CAB39L: variants seen among roughly 807,000 people sequenced by gnomAD.
The protein encoded by CAB39L is calcium binding protein 39 like.
CAB39L carries 23 observed loss-of-function variants against 39.1 expected under a neutral mutation model. The observed-to-expected ratio is 0.59, with a 90% CI of 0.42 to 0.83. The LOEUF (loss-of-function observed/expected upper bound fraction) is 0.83. Among genes scored for constraint, CAB39L ranks in the 40% least tolerant of loss-of-function variants. The probability of loss-of-function intolerance (pLI) is 0.00; values close to 1 mark genes in which losing one functional copy is unlikely to be tolerated. For synonymous variants in CAB39L, 126 were observed against 137.2 expected (o/e 0.92, Z 0.57); for missense variants, 366 against 391.9 (o/e 0.93, Z 0.56).
At chr13:49,315,884 CAAA>C (rs60700916) in intron 10 of CAB39L, among the ~76,000 whole-genome samples, 3 of 120,318 alleles carry the variant, frequency 2.5e-5, no homozygotes, top group African/African-American at 3.4e-5. Context: ...GTCTCCATCT[CAAA>C]AAAAAAAAAA....
intron 3 of CAB39L, among the ~76,000 whole-genome samples, chr13:49,408,212 G>C (rs1956922644): frequency 6.6e-6 from 1 of 152,170 alleles, no homozygotes; most frequent in Admixed American, 6.5e-5. Flanking sequence ...AATATGGATA[G>C]TAATTGAGAG....
chr13:49,326,415 C>T (rs1288774222), intron 10 of CAB39L, among the ~76,000 whole-genome samples: 2 of 152,198 alleles, frequency 1.3e-5, no homozygotes, highest in Non-Finnish European at 2.9e-5. Context: ...TCCATCGGGG[C>T]TTTCCCACCA....
intron 3 of CAB39L, among the ~76,000 whole-genome samples, chr13:49,403,503 T>A (rs1321082266): frequency 6.6e-6 from 1 of 151,796 alleles, no homozygotes; most frequent in African/African-American, 2.4e-5. Flanking sequence ...AGAAAATCGA[T>A]CATTAGAAAA....
intron 5 of CAB39L, among the ~76,000 whole-genome samples, chr13:49,367,710 A>G (rs1955808193): frequency 6.6e-6 from 1 of 152,182 alleles, no homozygotes; most frequent in Non-Finnish European, 1.5e-5. Context: ...TGAACCCAGG[A>G]GTTTGAGACC....
chr13:49,336,540 C>G lies in CAB39L; in HGVS notation c.690+3137G>C, dbSNP rs78464022. 5.1e-3 allele frequency among the ~76,000 whole-genome samples: 776 copies of G among 152,298 alleles called. 5 individuals carry two copies. Among genetic ancestry groups the G allele is most frequent in the African/African-American group, 0.018 (728 of 41,570 alleles). ...ATAAGTAGGAAATACAAACAGCTTT[C>G]TTCCTCCAAATTTGGTTCAATCACC... On this transcript the variant is annotated intron_variant, in intron 9 of 10. Coordinates refer to ENST00000409308, the MANE Select transcript of CAB39L (RefSeq NM_001079670.3).
chr13:49,319,136 C>T (rs569065330), intron 10 of CAB39L, among the ~76,000 whole-genome samples: 5 of 152,056 alleles, frequency 3.3e-5, no homozygotes, highest in South Asian at 2.1e-4. Context: ...CCCAGCTACT[C>T]GGGAGGCTGA....
chr13:49,386,886 T>C (rs1329414212), intron 3 of CAB39L, among the ~76,000 whole-genome samples: 1 of 151,068 alleles, frequency 6.6e-6, no homozygotes, highest in Non-Finnish European at 1.5e-5. Flanking sequence ...ACCTCCTCCA[T>C]CACCTGGAAA....
At chr13:49,407,654 T>G (rs1956909304) in intron 3 of CAB39L, among the ~76,000 whole-genome samples, 1 of 151,976 alleles carries the variant, frequency 6.6e-6, no homozygotes, top group South Asian at 2.1e-4. Flanking sequence ...TAATATTAAT[T>G]TTACTTTATT....
chr13:49,339,858 T>G (rs1954955643), intron 8 of CAB39L, 116 bp from the exon 9 acceptor site: 4 of 1,224,970 alleles, frequency 3.3e-6, no homozygotes, highest in Non-Finnish European at 1.0e-6. Flanking sequence ...TTTACCATCC[T>G]TCTTTACATG....
chr13:49,421,835 C>T (rs1027193542), intron 3 of CAB39L, among the ~76,000 whole-genome samples: 2 of 152,088 alleles, frequency 1.3e-5, no homozygotes, highest in African/African-American at 4.8e-5. Flanking sequence ...ACCCTGTCTA[C>T]CCCCAGCAGT....
Position 49,329,543 on chromosome 13 carries a change from AAATATATATATAT to A in CAB39L, c.834+2391_834+2403del, listed in dbSNP as rs1282495808. ...TACATATCTCTTCAATTAAAAAAAA[AAATATATATATAT>A]ATATATATATATATATATATATATA... On this transcript the variant is annotated intron_variant, in intron 10 of 10. Coordinates refer to ENST00000409308, the MANE Select transcript of CAB39L (RefSeq NM_001079670.3). Among the ~76,000 whole-genome samples, 48 of 33,422 alleles carry A rather than the reference AAATATATATATAT, an allele frequency of 1.4e-3. 6 individuals carry two copies. Among genetic ancestry groups the A allele is most frequent in the South Asian group, 2.4e-3 (2 of 824 alleles). 21.9% of individuals were successfully genotyped at this position (33,422 alleles called of 152,430 possible). A position where few individuals can be genotyped will look rare whatever the true frequency, so the allele number is the denominator to read the frequency against.
At chr13:49,405,879 G>A (rs1956866709) in intron 3 of CAB39L, among the ~76,000 whole-genome samples, 2 of 152,038 alleles carry the variant, frequency 1.3e-5, no homozygotes, top group Non-Finnish European at 2.9e-5. Context: ...AGAACTGGAG[G>A]ACATTATGTT....
chr13:49,376,677 T>C (rs1956068509), intron 5 of CAB39L, among the ~76,000 whole-genome samples: 1 of 152,202 alleles, frequency 6.6e-6, no homozygotes, highest in Admixed American at 6.5e-5. Flanking sequence ...ACGAGTTGAA[T>C]GCTTGAAACT....
At chr13:49,412,511 T>C (rs2138689078) in intron 3 of CAB39L, among the ~76,000 whole-genome samples, 1 of 152,340 alleles carries the variant, frequency 6.6e-6, no homozygotes, top group Non-Finnish European at 1.5e-5. Flanking sequence ...TCAATAATTC[T>C]GAAAATTTAC....
At chr13:49,368,580 TAAAG>T (rs1465555485) in intron 5 of CAB39L, among the ~76,000 whole-genome samples, 1 of 151,996 alleles carries the variant, frequency 6.6e-6, no homozygotes, top group African/African-American at 2.4e-5. Flanking sequence ...TATTTGATAA[TAAAG>T]AAGCAACATC....
intron 3 of CAB39L, among the ~76,000 whole-genome samples, chr13:49,411,342 G>A (rs1310722356): frequency 9.9e-5 from 15 of 150,986 alleles, no homozygotes; most frequent in African/African-American, 2.2e-4. Flanking sequence ...CCTTGGAGGC[G>A]GAGGTTGCAG....
At chr13:49,324,899 T>C (rs193107598) in intron 10 of CAB39L, among the ~76,000 whole-genome samples, 36 of 152,380 alleles carry the variant, frequency 2.4e-4, no homozygotes, top group Admixed American at 1.6e-3. Context: ...CAAAATTACA[T>C]GGAAAAGCAA....
chr13:49,388,835 A>C (rs1428055308), intron 3 of CAB39L, among the ~76,000 whole-genome samples: 18 of 152,172 alleles, frequency 1.2e-4, no homozygotes, highest in Admixed American at 1.2e-3. Flanking sequence ...TAATGATAGA[A>C]GTAGAAATAA....
intron 10 of CAB39L, among the ~76,000 whole-genome samples, chr13:49,314,323 G>A (rs1370099737): frequency 2.0e-5 from 3 of 152,182 alleles, no homozygotes; most frequent in Non-Finnish European, 4.4e-5. Context: ...TCTGGGTGGG[G>A]AGAATGTGCT....
Sources: gnomAD v4.1 joint callset for allele counts (sites outside exome capture counted in the v4.1 genomes callset) on GRCh38, gnomAD v4.1.1 for gene constraint, MANE v1.5 for transcripts, NCBI Gene and HGNC (gene_info 2026-07-23, HGNC 2026-07-21) for gene names.